Variants in XRCC5 observed in about 807,000 individuals in gnomAD.
XRCC5 encodes X-ray repair cross complementing 5, also known as DNA repair protein Ku80.
Under a neutral mutation model 95.7 loss-of-function variants are expected in XRCC5, and 12 were observed. That is an observed-to-expected ratio of 0.13 (90% CI 0.08 to 0.20). The LOEUF is 0.20. Ranked by LOEUF, XRCC5 falls within the 10% of genes least tolerant of loss-of-function variation. The pLI is 1.00. For synonymous variants in XRCC5, 281 were observed against 290.3 expected (o/e 0.97, Z 0.33); for missense variants, 595 against 873.9 (o/e 0.68, Z 4.02).
Position 216,192,671 on chromosome 2 carries a change from G to A in XRCC5, c.1977G>A (p.Leu659=), listed in dbSNP as rs185300411. The A allele has an allele frequency of 6.3e-7, 1 of 1,599,972 alleles. No homozygotes were observed. Among genetic ancestry groups the A allele is most frequent in the African/African-American group, 1.3e-5 (1 of 74,566 alleles). ...AAGAGCAGCGCTTTAACAACTTCCT[G>A]AAAGCCCTTCAAGAGAAAGTGGAAA... ...FSEEQRFNNF[L]KALQEKVEIK... Residue 659 remains leucine, a synonymous_variant, in exon 18 of 21, where the codon CTG becomes CTA. Transcript: ENST00000392132.
Position 216,138,128 on chromosome 2 carries a change from C to A in XRCC5, c.1291C>A (p.Arg431=). 1.9e-6 allele frequency: 3 copies of A among 1,613,212 alleles called. No homozygotes were observed. The highest frequency in any genetic ancestry group is 2.5e-6 in the Non-Finnish European group (3 of 1,179,894). The change falls in exon 12 of 21, where the codon CGG becomes AGG. Residue 431 remains arginine (R), a synonymous_variant. Transcript: ENST00000392132. The part of the protein sequence containing the change: ...YVQLPFMEDL[R]QYMFSSLKNS... Reference sequence around the variant, plus strand: ...GCAGCTGCCTTTCATGGAAGACTTGCGGCAATACATGTTTTCATCCTTGAA... The same window carrying A: ...GCAGCTGCCTTTCATGGAAGACTTGAGGCAATACATGTTTTCATCCTTGAA...
intron 17 of XRCC5, 47 bp from the exon 18 acceptor site, chr2:216,192,592 T>G (rs766825713): frequency 7.2e-7 from 1 of 1,393,028 alleles, no homozygotes; most frequent in African/African-American, 1.5e-5. Context: ...TTTGTTTTTG[T>G]GTTTGCTCTG....
chr2:216,131,050 G>A (rs1433659574), intron 9 of XRCC5, 63 bp downstream of exon 9: 35 of 1,478,580 alleles, frequency 2.4e-5, no homozygotes, highest in Non-Finnish European at 1.6e-5. Context: ...GTATGCTTTT[G>A]ATTGGTCATT....
intron 16 of XRCC5, among the ~76,000 whole-genome samples, chr2:216,186,086 G>A (rs549289274): frequency 9.8e-5 from 15 of 152,320 alleles, no homozygotes; most frequent in Non-Finnish European, 1.6e-4. Context: ...CATTTGAGGT[G>A]TCTTCACAGT....
In XRCC5 at chr2:216,205,493, GT is replaced by G; in HGVS notation, c.*294del. 1 of 411,596 alleles carries G rather than the reference GT, an allele frequency of 2.4e-6. No homozygotes were observed. Among genetic ancestry groups the G allele is most frequent in the Non-Finnish European group, 4.4e-6 (1 of 227,534 alleles). 25.5% of individuals were successfully genotyped at this position (411,596 alleles called of 1,614,324 possible). A position where few individuals can be genotyped will look rare whatever the true frequency, so the allele number is the denominator to read the frequency against. On this transcript the variant is annotated 3_prime_UTR_variant, in exon 21 of 21. Coordinates refer to ENST00000392132, the MANE Select transcript of XRCC5 (RefSeq NM_021141.4). ...TTGTATATTACATACATGCTTTGAA[GT>G]TTCTGGAAAGTAGATCTTTTCTTGA... is the stretch of plus-strand genomic sequence containing the variant.
intron 16 of XRCC5, among the ~76,000 whole-genome samples, chr2:216,177,866 T>C (rs546406052): frequency 6.6e-6 from 1 of 152,314 alleles, no homozygotes; most frequent in South Asian, 2.1e-4. Flanking sequence ...TGAGGTGGAT[T>C]GTAATGAAGC....
chr2:216,146,665 A>G (rs1203427408), intron 13 of XRCC5, among the ~76,000 whole-genome samples: 2 of 152,324 alleles, frequency 1.3e-5, no homozygotes, highest in Admixed American at 6.5e-5. Flanking sequence ...TACTCCTTTT[A>G]GAGCATTTCC....
chr2:216,180,240 C>T (rs940041213), intron 16 of XRCC5, among the ~76,000 whole-genome samples: 10 of 152,094 alleles, frequency 6.6e-5, no homozygotes, highest in African/African-American at 2.2e-4. Flanking sequence ...GAAGGGGTAA[C>T]TTAGATAACA....
intron 16 of XRCC5, among the ~76,000 whole-genome samples, chr2:216,174,359 G>T (rs556416755): frequency 6.6e-6 from 1 of 152,236 alleles, no homozygotes; most frequent in East Asian, 1.9e-4. Context: ...CCCTTGAGCT[G>T]CAAGTCAGCA....
intron 14 of XRCC5, among the ~76,000 whole-genome samples, chr2:216,157,365 C>T (rs1688865324): frequency 6.6e-6 from 1 of 152,030 alleles, no homozygotes; most frequent in Non-Finnish European, 1.5e-5. Context: ...TTTCGAGTAG[C>T]TGGGACTACA....
At chr2:216,144,210 G>A (rs79635584) in intron 13 of XRCC5, among the ~76,000 whole-genome samples, 1 of 152,170 alleles carries the variant, frequency 6.6e-6, no homozygotes, top group Non-Finnish European at 1.5e-5. Flanking sequence ...CGGTGCATGT[G>A]GTAAGGAGGG....
At position 216,203,865 on chromosome 2, in the gene XRCC5, T is replaced by TTTC. The variant is rs1553582007; in HGVS notation, c.2110-457_2110-456insTTC. Among the ~76,000 whole-genome samples, 345 of 150,560 alleles carry TTTC rather than the reference T, an allele frequency of 2.3e-3. 5 individuals carry two copies. The highest frequency in any genetic ancestry group is 7.7e-3 in the African/African-American group (315 of 40,906). ...ATTCTAAGCTTTTTTTTTTTTTTTT[T>TTTC]CCTGATTCTTCATCATTCAACTTGA... On this transcript the variant is annotated intron_variant, in intron 19 of 20. Coordinates refer to ENST00000392132, the MANE Select transcript of XRCC5 (RefSeq NM_021141.4).
chr2:216,191,535 C>T (rs1209712597), intron 17 of XRCC5, among the ~76,000 whole-genome samples: 1 of 151,946 alleles, frequency 6.6e-6, no homozygotes, highest in Non-Finnish European at 1.5e-5. Flanking sequence ...CTCAGCCTCC[C>T]GAGTAGCTGG....
Position 216,163,658 on chromosome 2 carries a change from C to T in XRCC5, c.1834+1610C>T, listed in dbSNP as rs146422625. ...ACTGCCTGCAGTAGGTCTAATGCAT[C>T]TTACTACTTGCAGTCTAGGAATCCT... On this transcript the variant is annotated intron_variant, in intron 16 of 20. Transcript: ENST00000392132. Among the ~76,000 whole-genome samples, 6 of 152,270 alleles carry T rather than the reference C, an allele frequency of 3.9e-5. No individual in the cohort carries two copies. In the East Asian group the frequency reaches 7.7e-4, roughly 20 times the overall value.
intron 14 of XRCC5, among the ~76,000 whole-genome samples, chr2:216,148,957 A>G (rs1688693230): frequency 6.6e-6 from 1 of 152,244 alleles, no homozygotes; most frequent in Non-Finnish European, 1.5e-5. Context: ...TTATTTGAGT[A>G]TGTAAAATTG....
intron 16 of XRCC5, among the ~76,000 whole-genome samples, chr2:216,184,032 CTGTGTGTGTG>C (rs3221952): frequency 0.016 from 2,316 of 145,694 alleles, 60 homozygotes; most frequent in Admixed American, 0.075. Flanking sequence ...TAAGTCAGCA[CTGTGTGTGTG>C]TGTGTGTGTG....
chr2:216,197,537 T>G (rs745564487), intron 19 of XRCC5, among the ~76,000 whole-genome samples: 5 of 152,050 alleles, frequency 3.3e-5, no homozygotes, highest in Non-Finnish European at 5.9e-5. Context: ...AGAGAATCTC[T>G]TCTACTTCAG....
rs1024703797 is a variant in XRCC5, at chr2:216,194,991, T to G, written c.2109+5T>G. 7.4e-6 allele frequency: 12 copies of G among 1,613,728 alleles called. No individual in the cohort carries two copies. The African/African-American group carries it at 1.5e-4, about 20-fold the overall frequency. ...ACAGCTGAGGAAGCCAAAAAGGTAT[T>G]GAGGGGTAAACCTTTGTCTTTAGTT... On this transcript the variant is annotated splice_donor_5th_base_variant and intron_variant, in intron 19 of 20. Coordinates refer to ENST00000392132, the MANE Select transcript of XRCC5 (RefSeq NM_021141.4).
At chr2:216,135,586 T>C (rs1461041622) in intron 10 of XRCC5, among the ~76,000 whole-genome samples, 1 of 151,984 alleles carries the variant, frequency 6.6e-6, no homozygotes. Context: ...TCACTTGAGG[T>C]CAGGAGTTCG....
Sources: allele counts gnomAD v4.1 joint callset (sites outside exome capture counted in the v4.1 genomes callset), GRCh38; gene constraint gnomAD v4.1.1; transcripts MANE v1.5; gene names NCBI Gene and HGNC (gene_info 2026-07-23, HGNC 2026-07-21).